The following TEAD1 variants were observed in gnomAD, a reference collection of about 807,000 sequenced individuals.
TEAD1 encodes the protein transcriptional enhancer factor TEF-1.
A neutral mutation model predicts 54.9 loss-of-function variants in TEAD1; 9 were observed. The ratio of observed to expected loss-of-function variants is 0.16; its 90% CI spans 0.10 to 0.29. The LOEUF (loss-of-function observed/expected upper bound fraction) is 0.29, where lower values mean the gene tolerates loss of function less well. Among genes scored for constraint, TEAD1 ranks in the 10% least tolerant of loss-of-function variants. The probability of loss-of-function intolerance (pLI) is 1.00; values close to 1 mark genes in which losing one functional copy is unlikely to be tolerated. For missense variants in TEAD1, 387 were observed against 535.9 expected (o/e 0.72, Z 2.74); for synonymous variants, 200 against 187.8 (o/e 1.07, Z -0.53).
chr11:12,793,373 T>C (rs1945846061), intron 3 of TEAD1, among the ~76,000 whole-genome samples: 1 of 152,234 alleles, frequency 6.6e-6, no homozygotes, highest in Admixed American at 6.5e-5. Flanking sequence ...GGTCATTTCC[T>C]CAGTCTGTGA....
intron 3 of TEAD1, among the ~76,000 whole-genome samples, chr11:12,778,202 T>A (rs1386823720): frequency 6.6e-6 from 1 of 152,150 alleles, no homozygotes; most frequent in Non-Finnish European, 1.5e-5. Context: ...TAATCGTTGA[T>A]TATATTTAAT....
At chr11:12,694,335 G>A (rs1034828189) in intron 2 of TEAD1, among the ~76,000 whole-genome samples, 1 of 151,916 alleles carries the variant, frequency 6.6e-6, no homozygotes, top group African/African-American at 2.4e-5. Flanking sequence ...TAACACACTC[G>A]CCAGCCTGCC....
rs889256438 is a variant in TEAD1, at chr11:12,863,028, GA to G, written c.267+724del. On this transcript the variant is annotated intron_variant, in intron 4 of 12. Coordinates refer to ENST00000527636, the MANE Select transcript of TEAD1 (RefSeq NM_021961.6). ...ACTAAAAACAAAAAAAAGAAAGGAG[GA>G]AAAAAAAAACCCTAAAAACCTCATG... 9.1e-3 allele frequency among the ~76,000 whole-genome samples: 1,350 copies of G among 147,546 alleles called. 20 individuals are homozygous for G. The highest frequency in any genetic ancestry group is 0.031 in the African/African-American group (1,250 of 40,328).
intron 2 of TEAD1, among the ~76,000 whole-genome samples, chr11:12,731,762 C>CTAAG (rs949759783): frequency 6.6e-6 from 1 of 152,112 alleles, no homozygotes; most frequent in African/African-American, 2.4e-5. Flanking sequence ...AAAGTAAAGC[C>CTAAG]TAAGACTCCA....
At chr11:12,840,189 G>C (rs984101515) in intron 3 of TEAD1, among the ~76,000 whole-genome samples, 1 of 148,710 alleles carries the variant, frequency 6.7e-6, no homozygotes, top group Non-Finnish European at 1.5e-5. Flanking sequence ...GGAGCTTGCA[G>C]TGAGCCTGGA....
chr11:12,941,493 C>T lies in TEAD1; in HGVS notation c.*4271C>T, dbSNP rs1398541060. 1 of 152,326 alleles carries T rather than the reference C, an allele frequency of 6.6e-6. No individual in the cohort carries two copies. Among genetic ancestry groups the T allele is most frequent in the Non-Finnish European group, 1.5e-5 (1 of 68,036 alleles). The allele number at this position is 152,326 out of a possible 1,614,324, so 9.4% of individuals were successfully genotyped here. ...GGCTTTAGCAGTTGTTTTTGTGCAA[C>T]TATAAATTATTTAAATCATCTGAGA... On this transcript the variant is annotated 3_prime_UTR_variant, in exon 13 of 13. Transcript: ENST00000527636.
At chr11:12,734,884 G>A (rs1204459875) in intron 2 of TEAD1, among the ~76,000 whole-genome samples, 6 of 152,168 alleles carry the variant, frequency 3.9e-5, no homozygotes, top group Admixed American at 3.9e-4. Context: ...ATAAACACCT[G>A]TGCATTCATA....
rs182696457 is a variant in TEAD1 at position 12,867,841 on chromosome 11, G to T, written c.330+2941G>T. Among the ~76,000 whole-genome samples the T allele has an allele frequency of 2.0e-5, 3 of 152,310 alleles. No individual in the cohort carries two copies. The East Asian group carries it at 5.8e-4, about 29-fold the overall frequency. Reference sequence around the variant, plus strand: ...AGCTTCTGGGTGGGTGGGGAGCAGAGGGGAGTGGCAGGAAGTATCCAAGCT... The same window carrying T: ...AGCTTCTGGGTGGGTGGGGAGCAGATGGGAGTGGCAGGAAGTATCCAAGCT... On this transcript the variant is annotated intron_variant, in intron 5 of 12. Transcript: ENST00000527636.
chr11:12,758,665 C>T (rs186911381), intron 2 of TEAD1, among the ~76,000 whole-genome samples: 14 of 152,168 alleles, frequency 9.2e-5, no homozygotes, highest in Admixed American at 4.6e-4. Flanking sequence ...CTGCCCGCCT[C>T]GGCCTCCCAA....
At chr11:12,721,067 G>C (rs1459110327) in intron 2 of TEAD1, among the ~76,000 whole-genome samples, 1 of 152,192 alleles carries the variant, frequency 6.6e-6, no homozygotes, top group Non-Finnish European at 1.5e-5. Flanking sequence ...CCTGTGTTTA[G>C]TTAGACAGAA....
intron 3 of TEAD1, among the ~76,000 whole-genome samples, chr11:12,858,799 T>A (rs1460405723): frequency 6.6e-6 from 1 of 152,208 alleles, no homozygotes; most frequent in Admixed American, 6.5e-5. Context: ...TAGAAGTCAC[T>A]GAACAACAGG....
chr11:12,864,193 A>G (rs1169115285), intron 4 of TEAD1, among the ~76,000 whole-genome samples: 2 of 152,206 alleles, frequency 1.3e-5, no homozygotes, highest in Non-Finnish European at 2.9e-5. Flanking sequence ...AGATCAGAAT[A>G]CAACCAACAG....
intron 12 of TEAD1, among the ~76,000 whole-genome samples, chr11:12,933,954 C>T (rs893451181): frequency 6.6e-6 from 1 of 152,030 alleles, no homozygotes; most frequent in African/African-American, 2.4e-5. Flanking sequence ...TAAACTAGTT[C>T]CAACCATTGT....
chr11:12,910,307 A>T (rs1948594783), intron 10 of TEAD1, among the ~76,000 whole-genome samples: 3 of 152,236 alleles, frequency 2.0e-5, no homozygotes, highest in African/African-American at 7.2e-5. Flanking sequence ...CATGCAATTG[A>T]GACTAATACC....
chr11:12,744,095 T>C (rs941442453), intron 2 of TEAD1, among the ~76,000 whole-genome samples: 1 of 152,216 alleles, frequency 6.6e-6, no homozygotes, highest in Non-Finnish European at 1.5e-5. Context: ...GAGAAAACTT[T>C]AGTTGCGCTA....
intron 3 of TEAD1, among the ~76,000 whole-genome samples, chr11:12,803,758 T>C (rs965359505): frequency 6.6e-6 from 1 of 152,208 alleles, no homozygotes; most frequent in Non-Finnish European, 1.5e-5. Flanking sequence ...GTCTCCTGTA[T>C]CCTTCACAGC....
chr11:12,882,380 G>A (rs1387820140), intron 8 of TEAD1, among the ~76,000 whole-genome samples: 1 of 152,116 alleles, frequency 6.6e-6, no homozygotes, highest in Non-Finnish European at 1.5e-5. Context: ...GAAGCTCAAA[G>A]TGGAAAACAT....
intron 9 of TEAD1, among the ~76,000 whole-genome samples, chr11:12,899,673 T>C (rs952233326): frequency 1.3e-5 from 2 of 152,238 alleles, no homozygotes; most frequent in African/African-American, 2.4e-5. Context: ...TGTTGTTTTA[T>C]AGTATCTCCC....
chr11:12,759,118 T>C (rs1284586179), intron 2 of TEAD1, among the ~76,000 whole-genome samples: 1 of 152,154 alleles, frequency 6.6e-6, no homozygotes, highest in Non-Finnish European at 1.5e-5. Flanking sequence ...ATCAACCCTT[T>C]TACTTAAGAG....
Sources: allele counts gnomAD v4.1 joint callset (sites outside exome capture counted in the v4.1 genomes callset), GRCh38; gene constraint gnomAD v4.1.1; transcripts MANE v1.5; gene names NCBI Gene and HGNC (gene_info 2026-07-23, HGNC 2026-07-21).